IL1R1: variants seen among roughly 807,000 people sequenced by gnomAD.
The protein encoded by IL1R1 is interleukin-1 receptor type 1.
A neutral mutation model predicts 50.2 loss-of-function variants in IL1R1; 22 were observed. That is an observed-to-expected ratio of 0.44 (90% confidence interval 0.31 to 0.63). IL1R1 has a LOEUF of 0.63. Among genes scored for constraint, IL1R1 ranks in the 20% least tolerant of loss-of-function variants. The pLI is 0.07. For missense variants in IL1R1, 509 were observed against 676.2 expected (o/e 0.75, Z 2.74); for synonymous variants, 251 against 236.7 (o/e 1.06, Z -0.55).
intron 1 of IL1R1, among the ~76,000 whole-genome samples, chr2:102,128,353 T>G (rs1681839834): frequency 6.6e-6 from 1 of 152,318 alleles, no homozygotes; most frequent in East Asian, 1.9e-4. Context: ...TCTCAATACC[T>G]CTATGGTATT....
chr2:102,117,221 A>G (rs1681129870), intron 1 of IL1R1, among the ~76,000 whole-genome samples: 1 of 152,190 alleles, frequency 6.6e-6, no homozygotes, highest in Non-Finnish European at 1.5e-5. Context: ...TTGACCAAAT[A>G]ACAACGCAAA....
chr2:102,144,842 G>A (rs997487947), intron 1 of IL1R1, among the ~76,000 whole-genome samples: 2 of 152,156 alleles, frequency 1.3e-5, no homozygotes, highest in African/African-American at 2.4e-5. Context: ...CTAGAGAATC[G>A]CAGGGCTGCT....
At chr2:102,094,456 T>A (rs985433876) in intron 1 of IL1R1, among the ~76,000 whole-genome samples, 2 of 152,222 alleles carry the variant, frequency 1.3e-5, no homozygotes, top group Admixed American at 1.3e-4. Flanking sequence ...AAGTCAAATA[T>A]GTTCCTACAT....
At chr2:102,092,698 T>C (rs1679726167) in intron 1 of IL1R1, among the ~76,000 whole-genome samples, 1 of 152,130 alleles carries the variant, frequency 6.6e-6, no homozygotes, top group East Asian at 1.9e-4. Flanking sequence ...CACTAATTCT[T>C]CTAGCAGTGA....
intron 6 of IL1R1, among the ~76,000 whole-genome samples, chr2:102,167,106 A>G (rs563791099): frequency 6.6e-6 from 1 of 152,182 alleles, no homozygotes; most frequent in Non-Finnish European, 1.5e-5. Context: ...AGGGGTGACT[A>G]TTAGTAGTTA....
intron 1 of IL1R1, among the ~76,000 whole-genome samples, chr2:102,081,981 T>C (rs1264302897): frequency 6.6e-6 from 1 of 152,234 alleles, no homozygotes; most frequent in Non-Finnish European, 1.5e-5. Flanking sequence ...GTTTATCAAA[T>C]GTTAGCCTGC....
In IL1R1 at chr2:102,174,781, T is replaced by A. The variant is rs375560056; in HGVS notation, c.1135+51T>A. ...TTTCTTGTTGGAGATAAGGGATAGTTAGGAGATGTAGAAGATGACTAAGAG... is the reference window on the plus strand; with the variant it reads ...TTTCTTGTTGGAGATAAGGGATAGTAAGGAGATGTAGAAGATGACTAAGAG... On this transcript the variant is annotated intron_variant, in intron 10 of 11. Transcript: ENST00000410023. The A allele has an allele frequency of 3.7e-5, 54 of 1,476,548 alleles. No homozygotes were observed. The African/African-American group carries it at 7.5e-4, about 21-fold the overall frequency. 91.5% of individuals were successfully genotyped at this position (1,476,548 alleles called of 1,614,324 possible). A position where few individuals can be genotyped will look rare whatever the true frequency, so the allele number is the denominator to read the frequency against.
rs186076042 is a variant in IL1R1, at chr2:102,118,740, G to A, written c.-84+13868G>A. Among the ~76,000 whole-genome samples the A allele has an allele frequency of 4.0e-3, 613 of 152,226 alleles. 3 individuals carry two copies. The highest frequency in any genetic ancestry group is 6.1e-3 in the Non-Finnish European group (415 of 68,012). ...GGTATAGAAAAGGAAAAGTAGGGCC[G>A]GGTGTGGTGGCTCACGCCTGTAATC... On this transcript the variant is annotated intron_variant, in intron 1 of 10. Transcript: ENST00000409329.
At chr2:102,078,562 TCACACACACA>T (rs35407722) in intron 1 of IL1R1, among the ~76,000 whole-genome samples, 5,324 of 104,104 alleles carry the variant, frequency 0.051, 158 homozygotes, top group South Asian at 0.07. Context: ...TCAAAAAACT[TCACACACACA>T]CACACACACA....
chr2:102,086,690 G>T (rs1010308102), intron 1 of IL1R1, among the ~76,000 whole-genome samples: 6 of 151,988 alleles, frequency 3.9e-5, no homozygotes, highest in Non-Finnish European at 8.8e-5. Flanking sequence ...GAATCACCTC[G>T]TAAATTAAAA....
chr2:102,125,705 C>T (rs1040651350), intron 1 of IL1R1, among the ~76,000 whole-genome samples: 1 of 152,164 alleles, frequency 6.6e-6, no homozygotes, highest in African/African-American at 2.4e-5. Flanking sequence ...TATTTCAAAG[C>T]AGTGCTCACA....
intron 1 of IL1R1, among the ~76,000 whole-genome samples, chr2:102,081,943 C>G (rs189417552): frequency 9.8e-5 from 15 of 152,322 alleles, no homozygotes; most frequent in Admixed American, 3.3e-4. Flanking sequence ...GAAGTTAAAA[C>G]ATGGGCTACA....
chr2:102,100,955 C>T (rs534698140), upstream of IL1R1, among the ~76,000 whole-genome samples: 1 of 152,240 alleles, frequency 6.6e-6, no homozygotes, highest in Non-Finnish European at 1.5e-5. Flanking sequence ...TAGGGCCTGA[C>T]CACAAAGGTT....
intron 1 of IL1R1, among the ~76,000 whole-genome samples, chr2:102,151,118 T>A (rs989366769): frequency 2.6e-5 from 4 of 152,214 alleles, no homozygotes; most frequent in Non-Finnish European, 5.9e-5. Context: ...TTTCTTTACC[T>A]AGTATGCCTT....
chr2:102,112,374 GA>G (rs1680819911), intron 1 of IL1R1, among the ~76,000 whole-genome samples: 1 of 151,928 alleles, frequency 6.6e-6, no homozygotes, highest in African/African-American at 2.4e-5. Context: ...GTGTTTGGGG[GA>G]GGTCTCAGGA....
At chr2:102,159,087 T>TG (rs1171592550) in intron 3 of IL1R1, among the ~76,000 whole-genome samples, 1 of 152,206 alleles carries the variant, frequency 6.6e-6, no homozygotes, top group Non-Finnish European at 1.5e-5. Context: ...ATTGATGAGA[T>TG]GGGGAAGATC....
chr2:102,090,175 GCCTTCTAGT>G (rs1679605326), intron 1 of IL1R1, among the ~76,000 whole-genome samples: 2 of 144,484 alleles, frequency 1.4e-5, no homozygotes, highest in South Asian at 4.4e-4. Context: ...TTGTAATTTG[GCCTTCTAGT>G]CCTTTGTCCC....
chr2:102,161,129 ATATGT>A (rs769099098), intron 3 of IL1R1, among the ~76,000 whole-genome samples: 1 of 152,110 alleles, frequency 6.6e-6, no homozygotes, highest in East Asian at 1.9e-4. Flanking sequence ...ATAAGTTTTG[ATATGT>A]TATGTTTTCC....
At chr2:102,092,747 G>T (rs951552922) in intron 1 of IL1R1, among the ~76,000 whole-genome samples, 1 of 152,208 alleles carries the variant, frequency 6.6e-6, no homozygotes, top group Non-Finnish European at 1.5e-5. Context: ...TGGCAAAACA[G>T]GGATGGTGGG....
Sources: allele counts gnomAD v4.1 joint callset (sites outside exome capture counted in the v4.1 genomes callset), GRCh38; gene constraint gnomAD v4.1.1; transcripts MANE v1.5; gene names NCBI Gene and HGNC (gene_info 2026-07-23, HGNC 2026-07-21).